Variants in PARP9 observed in about 807,000 individuals in gnomAD.
The protein encoded by PARP9 is protein mono-ADP-ribosyltransferase PARP9.
PARP9 carries 48 observed loss-of-function variants against 68.8 expected under a neutral mutation model. The ratio of observed to expected loss-of-function variants is 0.70; its 90% CI spans 0.55 to 0.89. The LOEUF (loss-of-function observed/expected upper bound fraction) is 0.89, where lower values mean the gene tolerates loss of function less well. Ranked by LOEUF, PARP9 falls within the 40% of genes least tolerant of loss-of-function variation. The pLI is 0.00. For missense variants in PARP9, 806 were observed against 969.3 expected (o/e 0.83, Z 2.24); for synonymous variants, 309 against 333.8 (o/e 0.93, Z 0.81).
intron 1 of PARP9, among the ~76,000 whole-genome samples, chr3:122,562,118 A>T (rs1407254027): frequency 6.6e-6 from 1 of 152,076 alleles, no homozygotes; most frequent in Non-Finnish European, 1.5e-5. Context: ...GCCTCACTTC[A>T]GAGTCTCAGC....
chr3:122,556,247 T>G, intron 3 of PARP9, 126 bp from the exon 4 acceptor site: 1 of 625,372 alleles, frequency 1.6e-6, no homozygotes, highest in Non-Finnish European at 2.6e-6. Context: ...AGAGATGAAC[T>G]TCATGTAGTG....
intron 10 of PARP9, chr3:122,535,555 G>A (rs2077574883): frequency 3.0e-6 from 3 of 985,318 alleles, no homozygotes; most frequent in Non-Finnish European, 3.6e-6. Context: ...ATCTTCATTA[G>A]TGACTGAGGA....
chr3:122,544,978 T>C (rs992225801), intron 7 of PARP9, among the ~76,000 whole-genome samples: 16 of 152,214 alleles, frequency 1.1e-4, no homozygotes, highest in African/African-American at 3.4e-4. Flanking sequence ...CGTTTGTTTG[T>C]TTTTTAAAGT....
chr3:122,539,567 C>CTTTCT (rs1347024453), intron 8 of PARP9, among the ~76,000 whole-genome samples: 58 of 86,924 alleles, frequency 6.7e-4, no homozygotes, highest in Non-Finnish European at 1.2e-3. Flanking sequence ...TTCTTTCTTT[C>CTTTCT]TTTTTTTTTT....
chr3:122,536,815 G>T (rs1017233958), intron 9 of PARP9, 119 bp downstream of exon 9: 54 of 1,222,216 alleles, frequency 4.4e-5, no homozygotes, highest in Non-Finnish European at 5.8e-5. Context: ...TACTGACCTA[G>T]GATTCCAAGT....
intron 10 of PARP9, among the ~76,000 whole-genome samples, chr3:122,529,597 C>CA (rs34705764): frequency 2.0e-5 from 3 of 151,410 alleles, no homozygotes; most frequent in African/African-American, 7.3e-5. Flanking sequence ...AAAAAAAATA[C>CA]AAAAAAATTA....
At chr3:122,548,930 T>C (rs1457595007) in intron 6 of PARP9, among the ~76,000 whole-genome samples, 1 of 152,158 alleles carries the variant, frequency 6.6e-6, no homozygotes, top group African/African-American at 2.4e-5. Context: ...CAGCACTCAG[T>C]GAACTACAGC....
chr3:122,561,050 T>C (rs903006298), intron 1 of PARP9, among the ~76,000 whole-genome samples: 12 of 152,244 alleles, frequency 7.9e-5, no homozygotes, highest in African/African-American at 2.9e-4. Flanking sequence ...CTACTGTGTT[T>C]CCTTCTCTTC....
intron 7 of PARP9, 81 bp downstream of exon 7, chr3:122,545,351 C>A (rs2107644694): frequency 1.4e-6 from 2 of 1,416,644 alleles, no homozygotes; most frequent in East Asian, 4.6e-5. Context: ...TTCTTCTCCC[C>A]TCCGTTAGTT....
At chr3:122,560,691 G>C (rs1030368088) in intron 1 of PARP9, among the ~76,000 whole-genome samples, 1 of 152,110 alleles carries the variant, frequency 6.6e-6, no homozygotes, top group Non-Finnish European at 1.5e-5. Flanking sequence ...TGGTCGAAAT[G>C]ATTTCTAATG....
chr3:122,534,902 A>C (rs2107568675), intron 10 of PARP9: 1 of 963,332 alleles, frequency 1.0e-6, no homozygotes, highest in African/African-American at 1.8e-5. Flanking sequence ...AAATAAAGAG[A>C]GAACTGCCTG....
At position 122,540,582 on chromosome 3, in the gene PARP9, T is replaced by C. The variant is rs766892446; in HGVS notation, c.1655A>G (p.Glu552Gly). Residue 552 changes from glutamate (E) to glycine (G), a missense_variant, in exon 8 of 11, where the codon GAA (glutamate) becomes GGA (glycine). By Grantham distance (98) the Glu-to-Gly change is moderately conservative (BLOSUM62 -2). Transcript: ENST00000682323. The stretch of plus-strand genomic sequence containing the variant: ...CTCAATGAGGTCAGCCCGGGCTCCT[T>C]CAATCTCTAACTCTGTCCTTCCTGG... The part of the protein sequence containing the change: ...ISPGRTELEI[E>G]GARADLIEVV... 13 of 1,614,186 alleles carry C rather than the reference T, an allele frequency of 8.1e-6. 1 individual carries two copies. Among genetic ancestry groups the C allele is most frequent in the Non-Finnish European group, 8.5e-6 (10 of 1,180,022 alleles).
chr3:122,528,874 T>TCTTTG, intron 10 of PARP9, 131 bp from the exon 11 acceptor site: 1 of 928,042 alleles, frequency 1.1e-6, no homozygotes, highest in Non-Finnish European at 1.6e-6. Context: ...AGTTCCTGTG[T>TCTTTG]CTATAGCAAA....
chr3:122,550,306 C>T (rs558103394), intron 6 of PARP9, among the ~76,000 whole-genome samples: 4 of 152,172 alleles, frequency 2.6e-5, no homozygotes, highest in South Asian at 4.2e-4. Context: ...CTAGAACTCC[C>T]GACCTCAGGT....
chr3:122,562,174 TTTTC>T, intron 1 of PARP9, among the ~76,000 whole-genome samples: 1 of 134,828 alleles, frequency 7.4e-6, no homozygotes, highest in East Asian at 2.0e-4. Flanking sequence ...TTTTCTTTTC[TTTTC>T]TTTTCTTTTC....
intron 8 of PARP9, among the ~76,000 whole-genome samples, chr3:122,538,873 A>C (rs905500835): frequency 6.6e-6 from 1 of 150,664 alleles, no homozygotes; most frequent in African/African-American, 2.4e-5. Context: ...TTTTTTTGCC[A>C]CTGTGTTTTC....
rs1372786659 is a variant in PARP9, at chr3:122,547,005, T to C, written c.1327-1516A>G. On this transcript the variant is annotated intron_variant, in intron 6 of 10. Coordinates refer to ENST00000682323, the MANE Select transcript of PARP9 (RefSeq NM_001146105.2). The stretch of plus-strand genomic sequence containing the variant: ...ATATATATATATATATATATATATA[T>C]ATATATATACACACACACACATACA... Among the ~76,000 whole-genome samples, 28 of 109,320 alleles carry C rather than the reference T, an allele frequency of 2.6e-4. 1 individual carries two copies. Among genetic ancestry groups the C allele is most frequent in the East Asian group, 5.8e-4 (2 of 3,472 alleles). The allele number at this position is 109,320 out of a possible 152,430, so 71.7% of individuals were successfully genotyped here. A position where few individuals can be genotyped will look rare whatever the true frequency, so the allele number is the denominator to read the frequency against.
In PARP9 at chr3:122,537,120, G is replaced by A. The variant is rs781539706; in HGVS notation, c.1766-47C>T. 7 of 1,532,500 alleles carry A rather than the reference G, an allele frequency of 4.6e-6. No homozygotes were observed. In the East Asian group the frequency reaches 1.4e-4, roughly 30 times the overall value. The allele number at this position is 1,532,500 out of a possible 1,614,324, so 94.9% of individuals were successfully genotyped here. ...ACTTTACTTCAATGCTCTGAGAGAG[G>A]AGAAAAGAAATTTAATGAAACAAAT... On this transcript the variant is annotated intron_variant, in intron 8 of 10. Coordinates refer to ENST00000682323, the MANE Select transcript of PARP9 (RefSeq NM_001146105.2).
Position 122,534,879 on chromosome 3 carries a change from A to AAAAT in PARP9, c.2080+1285_2080+1288dup, listed in dbSNP as rs1053669136. ...TGACAGAGCAAGACTCCGTCTCAGA[A>AAAAT]AAATAAATAAATAAATAAAGAGAGA... On this transcript the variant is annotated intron_variant, in intron 10 of 10. Transcript: ENST00000682323. 131 of 940,222 alleles carry AAAAT rather than the reference A, an allele frequency of 1.4e-4. No homozygotes were observed. The African/African-American group carries it at 1.9e-3, about 13-fold the overall frequency. 58.2% of individuals were successfully genotyped at this position (940,222 alleles called of 1,614,324 possible).
Sources: gnomAD v4.1 joint callset for allele counts (sites outside exome capture counted in the v4.1 genomes callset) on GRCh38, gnomAD v4.1.1 for gene constraint, MANE v1.5 for transcripts, NCBI Gene and HGNC (gene_info 2026-07-23, HGNC 2026-07-21) for gene names.